The following MTHFD2L variants were observed in gnomAD, a reference collection of about 807,000 sequenced individuals.
The protein encoded by MTHFD2L is bifunctional methylenetetrahydrofolate dehydrogenase/cyclohydrolase 2, mitochondrial.
A neutral mutation model predicts 34.9 loss-of-function variants in MTHFD2L; 29 were observed. The observed-to-expected ratio is 0.83, with a 90% CI of 0.62 to 1.13. The LOEUF is 1.13. Ranked by LOEUF, MTHFD2L falls within the 50% of genes most tolerant of loss-of-function variation. The pLI is 0.00. For missense variants in MTHFD2L, 481 were observed against 446.5 expected, an observed-to-expected ratio of 1.08 and a Z score of -0.70; for synonymous variants, 167 against 155.7, an observed-to-expected ratio of 1.07 and a Z score of -0.54.
chr4:74,237,921 G>A (rs1207422514), intron 6 of MTHFD2L, among the ~76,000 whole-genome samples: 1 of 152,178 alleles, frequency 6.6e-6, no homozygotes, highest in East Asian at 1.9e-4. Context: ...TCTACTGTGG[G>A]TAGGAATATA....
intron 1 of MTHFD2L, among the ~76,000 whole-genome samples, chr4:74,134,544 A>G (rs1463711590): frequency 6.6e-6 from 1 of 152,202 alleles, no homozygotes; most frequent in Non-Finnish European, 1.5e-5. Flanking sequence ...TGGACTAAAT[A>G]ATTATTAATA....
Position 74,269,562 on chromosome 4 carries a change from A to G in MTHFD2L, c.806-11863A>G, listed in dbSNP as rs115671363. On this transcript the variant is annotated intron_variant, in intron 6 of 7. Coordinates refer to ENST00000325278, the MANE Select transcript of MTHFD2L (RefSeq NM_001144978.3). ...GCATAACAAATACATTATATATAAT[A>G]ATAAATAATGTATAAATAATGTATG... 4.9e-3 allele frequency among the ~76,000 whole-genome samples: 742 copies of G among 151,940 alleles called. 7 individuals carry two copies. The highest frequency in any genetic ancestry group is 0.016 in the African/African-American group (665 of 41,524).
chr4:74,220,516 A>G (rs992575782), intron 5 of MTHFD2L, among the ~76,000 whole-genome samples: 15 of 152,078 alleles, frequency 9.9e-5, no homozygotes, highest in Non-Finnish European at 1.5e-4. Flanking sequence ...TAATGAATAT[A>G]GGTGGAATTC....
At chr4:74,240,364 T>C (rs1741521286) in intron 6 of MTHFD2L, among the ~76,000 whole-genome samples, 1 of 152,134 alleles carries the variant, frequency 6.6e-6, no homozygotes, top group South Asian at 2.1e-4. Context: ...TCCTAAAGAA[T>C]CATATTGAGG....
chr4:74,166,939 C>A (rs1205013427), intron 1 of MTHFD2L, among the ~76,000 whole-genome samples: 5 of 152,168 alleles, frequency 3.3e-5, no homozygotes, highest in Non-Finnish European at 5.9e-5. Context: ...TTCCAGAGGA[C>A]CCTGGGCAAG....
intron 5 of MTHFD2L, among the ~76,000 whole-genome samples, chr4:74,214,711 C>G (rs1736901853): frequency 6.6e-6 from 1 of 151,864 alleles, no homozygotes; most frequent in African/African-American, 2.4e-5. Context: ...AGGAGGCAGT[C>G]TGTCCCTTAG....
chr4:74,183,748 T>A (rs1471943302), intron 3 of MTHFD2L: 2 of 151,978 alleles, frequency 1.3e-5, no homozygotes, highest in Admixed American at 6.6e-5. Context: ...AATTAAGAGC[T>A]CTGGAAGTGG....
At chr4:74,207,777 T>TC (rs2110074577) in intron 5 of MTHFD2L, among the ~76,000 whole-genome samples, 1 of 151,172 alleles carries the variant, frequency 6.6e-6, no homozygotes, top group African/African-American at 2.4e-5. Context: ...TTTTTTTTTT[T>TC]TTTTTGCCAG....
intron 5 of MTHFD2L, among the ~76,000 whole-genome samples, chr4:74,216,961 T>A (rs957667923): frequency 8.6e-5 from 13 of 151,760 alleles, no homozygotes; most frequent in African/African-American, 2.9e-4. Flanking sequence ...TGTCTTCCTG[T>A]AACACCCATG....
chr4:74,140,375 A>G (rs1234367226), intron 1 of MTHFD2L: 1 of 221,240 alleles, frequency 4.5e-6, no homozygotes, highest in South Asian at 1.6e-4. Flanking sequence ...TGTCTGGCAT[A>G]AAGCAAACCT....
At chr4:74,261,018 AT>A (rs33961474) in intron 6 of MTHFD2L, among the ~76,000 whole-genome samples, 36,540 of 147,738 alleles carry the variant, frequency 0.25, 4,552 homozygotes, top group African/African-American at 0.3. Context: ...ATAGAAAAAA[AT>A]ATATATATAT....
intron 6 of MTHFD2L, among the ~76,000 whole-genome samples, chr4:74,276,414 C>A (rs1313756006): frequency 6.6e-6 from 1 of 151,846 alleles, no homozygotes; most frequent in Non-Finnish European, 1.5e-5. Context: ...ATGCTTGAGC[C>A]CTCAAATTAT....
At chr4:74,140,721 A>G (rs1723227404) in intron 1 of MTHFD2L, among the ~76,000 whole-genome samples, 1 of 152,244 alleles carries the variant, frequency 6.6e-6, no homozygotes, top group Non-Finnish European at 1.5e-5. Flanking sequence ...CAATCATGGC[A>G]GAAGGGGAAG....
At chr4:74,222,533 A>G (rs778999240) in intron 5 of MTHFD2L, among the ~76,000 whole-genome samples, 3 of 152,120 alleles carry the variant, frequency 2.0e-5, no homozygotes, top group Non-Finnish European at 4.4e-5. Flanking sequence ...CCACCTCTTA[A>G]TATTGTTACA....
chr4:74,298,802 C>G (rs574422147), intron 7 of MTHFD2L, among the ~76,000 whole-genome samples: 1 of 151,960 alleles, frequency 6.6e-6, no homozygotes, highest in East Asian at 1.9e-4. Flanking sequence ...GGCACTTGAG[C>G]CATTCTTTGG....
chr4:74,134,925 GA>G (rs1462889542), intron 1 of MTHFD2L, among the ~76,000 whole-genome samples: 2 of 151,186 alleles, frequency 1.3e-5, no homozygotes, highest in African/African-American at 2.4e-5. Flanking sequence ...GGAGAGAAAA[GA>G]AAAAAAGAAT....
intron 5 of MTHFD2L, among the ~76,000 whole-genome samples, chr4:74,218,391 T>G (rs547337513): frequency 6.6e-6 from 1 of 152,030 alleles, no homozygotes; most frequent in East Asian, 1.9e-4. Context: ...TAGGGTCTGG[T>G]TTTTTAGCTT....
intron 1 of MTHFD2L, among the ~76,000 whole-genome samples, chr4:74,158,668 A>G (rs1038727179): frequency 2.6e-5 from 4 of 152,180 alleles, no homozygotes; most frequent in African/African-American, 9.7e-5. Context: ...TGTGCAGATG[A>G]CTTACTAATG....
At position 74,174,598 on chromosome 4, in the gene MTHFD2L, AC is replaced by A; in HGVS notation, c.237del (p.Asn79LysfsTer8). On this transcript the variant is annotated frameshift_variant, in exon 2 of 8. Transcript: ENST00000325278. LOFTEE classifies it high-confidence loss of function. The part of the protein sequence containing the change: ...RGVESWVSLG[N>X]RRPHLSIILV... ...GTGGAATCATGGGTTTCCCTTGGAA[AC>A]AGAAGACCTCACCTCAGTATAATTT... The A allele has an allele frequency of 6.2e-7, 1 of 1,607,986 alleles. No individual in the cohort carries two copies. The highest frequency in any genetic ancestry group is 8.5e-7 in the Non-Finnish European group (1 of 1,177,408).
Sources: allele counts gnomAD v4.1 joint callset (sites outside exome capture counted in the v4.1 genomes callset), GRCh38; gene constraint gnomAD v4.1.1; transcripts MANE v1.5; gene names NCBI Gene and HGNC (gene_info 2026-07-23, HGNC 2026-07-21).